Variants in TNR observed in about 807,000 individuals in gnomAD.
The protein encoded by TNR is tenascin-R.
TNR carries 45 observed loss-of-function variants against 150.4 expected under a neutral mutation model. The observed-to-expected ratio is 0.30, with a 90% CI of 0.24 to 0.38. The LOEUF (loss-of-function observed/expected upper bound fraction) is 0.38, where lower values mean the gene tolerates loss of function less well. Ranked by LOEUF, TNR falls within the 10% of genes least tolerant of loss-of-function variation. The pLI, the probability that TNR is intolerant of heterozygous loss-of-function variation, is 1.00. For missense variants in TNR, 1,544 were observed against 1,759.1 expected (o/e 0.88, Z 2.19); for synonymous variants, 687 against 678.4 (o/e 1.01, Z -0.20).
chr1:175,385,707 T>C (rs556768487), intron 8 of TNR, among the ~76,000 whole-genome samples: 1 of 152,326 alleles, frequency 6.6e-6, no homozygotes, highest in East Asian at 1.9e-4. Context: ...GGACTAGCGA[T>C]ATGGATGCTT....
chr1:175,632,887 G>A (rs1377760347), intron 1 of TNR, among the ~76,000 whole-genome samples: 1 of 152,160 alleles, frequency 6.6e-6, no homozygotes, highest in Non-Finnish European at 1.5e-5. Flanking sequence ...CTCTCTCACT[G>A]TACCACACTG....
chr1:175,417,082 A>T (rs1323043118), intron 2 of TNR, among the ~76,000 whole-genome samples: 1 of 151,530 alleles, frequency 6.6e-6, no homozygotes, highest in Non-Finnish European at 1.5e-5. Context: ...AAAGAAATCT[A>T]AGAAGTGGTC....
intron 1 of TNR, among the ~76,000 whole-genome samples, chr1:175,652,440 T>TA (rs1258422492): frequency 2.0e-5 from 3 of 151,248 alleles, no homozygotes; most frequent in South Asian, 2.1e-4. Context: ...TATCTGTATT[T>TA]AAAAAAAAAT....
intron 2 of TNR, among the ~76,000 whole-genome samples, chr1:175,415,794 A>G (rs1654415221): frequency 6.6e-6 from 1 of 152,212 alleles, no homozygotes; most frequent in South Asian, 2.1e-4. Flanking sequence ...CTTGAGTATC[A>G]ATCAAGGGAA....
At chr1:175,473,334 C>CA (rs1180895424) in intron 2 of TNR, among the ~76,000 whole-genome samples, 2 of 152,206 alleles carry the variant, frequency 1.3e-5, no homozygotes, top group Non-Finnish European at 2.9e-5. Context: ...CACACATGCT[C>CA]ATCACCAGCA....
rs1649006679 is a variant in TNR, at chr1:175,320,904, A to C, written c.*2453T>G. The C allele has an allele frequency of 6.6e-6, 1 of 151,812 alleles. No individual in the cohort carries two copies. The highest frequency in any genetic ancestry group is 1.5e-5 in the Non-Finnish European group (1 of 68,008). 9.4% of individuals were successfully genotyped at this position (151,812 alleles called of 1,614,324 possible). ...TGCCAATTTCTACTTAGGTTTTCAG[A>C]TCACAGATTAGCATCATTGACCGTC... is the stretch of plus-strand genomic sequence containing the variant. On this transcript the variant is annotated 3_prime_UTR_variant, in exon 23 of 23. Transcript: ENST00000367674.
At chr1:175,540,795 T>A (rs1242468104) in intron 1 of TNR, among the ~76,000 whole-genome samples, 1 of 152,136 alleles carries the variant, frequency 6.6e-6, no homozygotes, top group Non-Finnish European at 1.5e-5. Context: ...GGTTTCCTAC[T>A]TCCACTCTCA....
At chr1:175,328,002 G>T (rs769051050) in intron 21 of TNR, among the ~76,000 whole-genome samples, 2 of 152,202 alleles carry the variant, frequency 1.3e-5, no homozygotes, top group Non-Finnish European at 2.9e-5. Flanking sequence ...CAGCTACTCA[G>T]GAGGCTGAGG....
At position 175,504,851 on chromosome 1, in the gene TNR, G is replaced by C. The variant is rs530290899; in HGVS notation, c.-64+23418C>G. ...TCAAATTAAAATAGGTCATATGAGC[G>C]AGCCCTACTCTGGTATGACTGGTGT... On this transcript the variant is annotated intron_variant, in intron 2 of 22. Transcript: ENST00000367674. 2.6e-5 allele frequency among the ~76,000 whole-genome samples: 4 copies of C among 152,298 alleles called. No homozygotes were observed. In the East Asian group the frequency reaches 7.7e-4, roughly 29 times the overall value.
intron 8 of TNR, 123 bp downstream of exon 8, chr1:175,385,909 G>C: frequency 8.5e-7 from 1 of 1,177,618 alleles, no homozygotes; most frequent in Non-Finnish European, 1.2e-6. Flanking sequence ...CGGTGTCTAT[G>C]ACAAGGCCAA....
At chr1:175,597,463 A>G (rs931403877) in intron 1 of TNR, among the ~76,000 whole-genome samples, 1 of 152,222 alleles carries the variant, frequency 6.6e-6, no homozygotes, top group Non-Finnish European at 1.5e-5. Context: ...CTGTGGATAG[A>G]GGGAGCATTC....
chr1:175,585,387 G>T (rs12086372), intron 1 of TNR, among the ~76,000 whole-genome samples: 26,604 of 152,138 alleles, frequency 0.17, 3,890 homozygotes, highest in African/African-American at 0.4. Context: ...AGAGAAAATC[G>T]TGAGCATGTA....
At chr1:175,471,435 A>C (rs144561640) in intron 2 of TNR, among the ~76,000 whole-genome samples, 1 of 152,344 alleles carries the variant, frequency 6.6e-6, no homozygotes, top group African/African-American at 2.4e-5. Flanking sequence ...ACACCTAGGT[A>C]TATGGTGTAT....
chr1:175,373,299 T>G (rs577777667), intron 9 of TNR, among the ~76,000 whole-genome samples: 1 of 152,086 alleles, frequency 6.6e-6, no homozygotes, highest in Non-Finnish European at 1.5e-5. Context: ...TTCCCATCAG[T>G]GGAATTTGGA....
At chr1:175,514,835 C>T (rs529145189) in intron 2 of TNR, among the ~76,000 whole-genome samples, 3 of 152,172 alleles carry the variant, frequency 2.0e-5, no homozygotes, top group African/African-American at 7.2e-5. Context: ...GTGTGCAGAG[C>T]GGGGGAGATT....
At chr1:175,539,642 C>T (rs938832931) in intron 1 of TNR, among the ~76,000 whole-genome samples, 2 of 152,226 alleles carry the variant, frequency 1.3e-5, no homozygotes, top group African/African-American at 4.8e-5. Context: ...CATTGACTTT[C>T]TGAAGAAACC....
rs12025829 is a variant in TNR, at chr1:175,520,631, C to G, written c.-64+7638G>C. Among the ~76,000 whole-genome samples the G allele has an allele frequency of 7.1e-3, 1,078 of 152,226 alleles. 85 individuals carry two copies. In the East Asian group the frequency reaches 0.17, roughly 23 times the overall value. ...GCTCCAGGCCACATAGCCAAGGATA[C>G]AGAGTTTGATTCTGGCTTTGTTGCA... On this transcript the variant is annotated intron_variant, in intron 2 of 22. Coordinates refer to ENST00000367674, the MANE Select transcript of TNR (RefSeq NM_003285.3).
chr1:175,547,140 G>A (rs940762510), intron 1 of TNR, among the ~76,000 whole-genome samples: 1 of 152,144 alleles, frequency 6.6e-6, no homozygotes, highest in African/African-American at 2.4e-5. Context: ...CTTCAAGTAG[G>A]CCCCTTTGCC....
chr1:175,617,831 C>T (rs1663831849), intron 1 of TNR, among the ~76,000 whole-genome samples: 2 of 152,150 alleles, frequency 1.3e-5, no homozygotes, highest in South Asian at 4.1e-4. Context: ...CACACAAATA[C>T]GATCTTTTAA....
Sources: allele counts gnomAD v4.1 joint callset (sites outside exome capture counted in the v4.1 genomes callset), GRCh38; gene constraint gnomAD v4.1.1; transcripts MANE v1.5; gene names NCBI Gene and HGNC (gene_info 2026-07-23, HGNC 2026-07-21).